KAZN: variants seen among roughly 807,000 people sequenced by gnomAD.
KAZN encodes kazrin, periplakin interacting protein.
Under a neutral mutation model 87.4 loss-of-function variants are expected in KAZN, and 40 were observed. The ratio of observed to expected loss-of-function variants is 0.46; its 90% CI spans 0.36 to 0.60. The LOEUF is 0.60. Ranked by LOEUF, KAZN falls within the 20% of genes least tolerant of loss-of-function variation. KAZN has a pLI of 0.00. For synonymous variants in KAZN, 466 were observed against 458.3 expected (o/e 1.02, Z -0.22); for missense variants, 898 against 1,073.9 (o/e 0.84, Z 2.29).
intron 1 of KAZN, among the ~76,000 whole-genome samples, chr1:14,646,347 G>C (rs1680808536): frequency 6.6e-6 from 1 of 152,192 alleles, no homozygotes; most frequent in Admixed American, 6.5e-5. Context: ...GGAGGTCAAA[G>C]CTGCAGTTGA....
chr1:14,742,883 C>T (rs1644148733), intron 1 of KAZN, among the ~76,000 whole-genome samples: 1 of 152,164 alleles, frequency 6.6e-6, no homozygotes, highest in South Asian at 2.1e-4. Flanking sequence ...TGTACAAGCA[C>T]CCACGGCTCA....
chr1:14,578,976 A>G (rs939500199), intron 2 of KAZN, among the ~76,000 whole-genome samples: 9 of 152,106 alleles, frequency 5.9e-5, no homozygotes, highest in African/African-American at 2.2e-4. Flanking sequence ...TCTTTTCCCT[A>G]TCCCCAGCAC....
chr1:14,139,157 G>C (rs1012024400), intron 1 of KAZN, among the ~76,000 whole-genome samples: 10 of 152,130 alleles, frequency 6.6e-5, no homozygotes, highest in African/African-American at 1.9e-4. Context: ...CCACTGAGTT[G>C]TCCCACGCTA....
At chr1:14,419,577 C>T (rs141737447) in intron 2 of KAZN, among the ~76,000 whole-genome samples, 4 of 152,274 alleles carry the variant, frequency 2.6e-5, no homozygotes, top group East Asian at 3.9e-4. Flanking sequence ...AGAACGAAGC[C>T]GTGGACCCTC....
intron 2 of KAZN, among the ~76,000 whole-genome samples, chr1:14,228,716 A>G (rs994492320): frequency 6.6e-6 from 1 of 152,252 alleles, no homozygotes; most frequent in African/African-American, 2.4e-5. Flanking sequence ...AGGCAAAGAC[A>G]GTTCTAATGT....
chr1:14,599,258 C>G lies in KAZN; in HGVS notation c.226+35C>G. On this transcript the variant is annotated intron_variant, in intron 1 of 14. Coordinates refer to ENST00000376030, the MANE Select transcript of KAZN (RefSeq NM_201628.3). This position sits in a 1 kb window ranked among gnomAD's most constrained non-coding sequence, Gnocchi z 4.4. ...CCCCGGCGCCCAGGGCGGAGGAAGG[C>G]GAGCAGAGCACGCCCGGCCTCGGAG... The G allele has an allele frequency of 1.5e-6, 2 of 1,334,636 alleles. No homozygotes were observed. Among genetic ancestry groups the G allele is most frequent in the Middle Eastern group, 2.9e-4 (1 of 3,478 alleles). 82.7% of individuals were successfully genotyped at this position (1,334,636 alleles called of 1,614,324 possible). A position where few individuals can be genotyped will look rare whatever the true frequency, so the allele number is the denominator to read the frequency against.
At chr1:14,984,873 A>G (rs1179565903) in intron 2 of KAZN, among the ~76,000 whole-genome samples, 2 of 152,096 alleles carry the variant, frequency 1.3e-5, no homozygotes, top group African/African-American at 2.4e-5. Context: ...GGGGGAAAGG[A>G]GGGCCTGTAA....
chr1:15,110,206 G>A (rs1409210271), intron 13 of KAZN, among the ~76,000 whole-genome samples: 1 of 147,184 alleles, frequency 6.8e-6, no homozygotes, highest in Non-Finnish European at 1.5e-5. Flanking sequence ...GTATGTTTAG[G>A]TGGTGTTTGT....
chr1:14,419,908 G>T (rs764124817), intron 2 of KAZN, among the ~76,000 whole-genome samples: 9 of 152,164 alleles, frequency 5.9e-5, no homozygotes, highest in Non-Finnish European at 2.9e-5. Context: ...AGCAACAATG[G>T]GATTTATTGC....
At chr1:13,926,022 G>C (rs1015425159) in intron 1 of KAZN, among the ~76,000 whole-genome samples, 1 of 152,114 alleles carries the variant, frequency 6.6e-6, no homozygotes, top group African/African-American at 2.4e-5. Context: ...TGGGGTGGTT[G>C]GGGGACAGAG....
At chr1:14,318,430 T>C (rs79305119) in intron 2 of KAZN, among the ~76,000 whole-genome samples, 3,634 of 152,168 alleles carry the variant, frequency 0.024, 152 homozygotes, top group African/African-American at 0.083. Flanking sequence ...ATTTTTATCT[T>C]TGTTCCTTTG....
intron 1 of KAZN, among the ~76,000 whole-genome samples, chr1:14,719,853 G>GA (rs1370574502): frequency 6.6e-6 from 1 of 152,056 alleles, no homozygotes; most frequent in Non-Finnish European, 1.5e-5. Context: ...AACATAATGA[G>GA]AAAAAAGGGA....
chr1:14,059,447 A>G (rs1642703062), intron 1 of KAZN, among the ~76,000 whole-genome samples: 1 of 152,220 alleles, frequency 6.6e-6, no homozygotes, highest in Admixed American at 6.5e-5. Context: ...AGGAAAAAGA[A>G]AGGAGCCAGA....
intron 1 of KAZN, among the ~76,000 whole-genome samples, chr1:14,074,596 G>A (rs186919434): frequency 3.0e-4 from 45 of 152,196 alleles, no homozygotes; most frequent in African/African-American, 1.1e-3. Context: ...GAGTTGGGGG[G>A]CACATCTGGG....
intron 1 of KAZN, among the ~76,000 whole-genome samples, chr1:14,844,610 G>A (rs981408962): frequency 6.6e-6 from 1 of 152,216 alleles, no homozygotes; most frequent in Non-Finnish European, 1.5e-5. Context: ...TGAAGAAAGT[G>A]TGAGCTTTTG....
At chr1:15,082,309 A>C (rs1456073880) in intron 8 of KAZN, among the ~76,000 whole-genome samples, 1 of 152,064 alleles carries the variant, frequency 6.6e-6, no homozygotes, top group African/African-American at 2.4e-5. Flanking sequence ...CACATTTACA[A>C]CTAAAGCTTT....
At chr1:14,326,720 C>T (rs961558450) in intron 2 of KAZN, among the ~76,000 whole-genome samples, 2 of 152,148 alleles carry the variant, frequency 1.3e-5, no homozygotes, top group East Asian at 1.9e-4. Context: ...CCTGAATGTC[C>T]CTTAATCTTG....
In KAZN at chr1:15,081,670, G is replaced by GC. The variant is rs1640010744; in HGVS notation, c.1223-12508dup. Among the ~76,000 whole-genome samples, 1 of 152,180 alleles carries GC rather than the reference G, an allele frequency of 6.6e-6. No homozygotes were observed. Among genetic ancestry groups the GC allele is most frequent in the Admixed American group, 6.5e-5 (1 of 15,280 alleles). On this transcript the variant is annotated intron_variant, in intron 8 of 14. Coordinates refer to ENST00000376030, the MANE Select transcript of KAZN (RefSeq NM_201628.3). This position sits in a 1 kb window ranked among gnomAD's most constrained non-coding sequence, Gnocchi z 4.1. ...AATCAGTATTGAAACAGAGCCCTGAGCCTGTGTAAGCTTCACCAGGCAGAG... is the reference window on the plus strand; with the variant it reads ...AATCAGTATTGAAACAGAGCCCTGAGCCCTGTGTAAGCTTCACCAGGCAGAG...
At position 15,114,707 on chromosome 1, in the gene KAZN, C is replaced by T. The variant is rs538010676; in HGVS notation, c.*72C>T. 789 of 1,461,768 alleles carry T rather than the reference C, an allele frequency of 5.4e-4. No homozygotes were observed. The highest frequency in any genetic ancestry group is 2.1e-3 in the South Asian group (165 of 78,052). The allele number at this position is 1,461,768 out of a possible 1,614,324, so 90.5% of individuals were successfully genotyped here. On this transcript the variant is annotated 3_prime_UTR_variant, in exon 15 of 15. Coordinates refer to ENST00000376030, the MANE Select transcript of KAZN (RefSeq NM_201628.3). ...AGAGAAGCCAGATGGCCCCAGGTGT[C>T]GTTCTCACTGTACATAGCGGCCGCA... is the stretch of plus-strand genomic sequence containing the variant.
Sources: gnomAD v4.1 joint callset for allele counts (sites outside exome capture counted in the v4.1 genomes callset) on GRCh38, gnomAD v4.1.1 for gene constraint, Gnocchi (gnomAD v3.1) non-coding constraint, MANE v1.5 for transcripts, NCBI Gene and HGNC (gene_info 2026-07-23, HGNC 2026-07-21) for gene names.